Variants in DSG2 observed in about 807,000 individuals in gnomAD.
DSG2 encodes the protein desmoglein 2.
DSG2 carries 45 observed loss-of-function variants against 75.6 expected under a neutral mutation model. That is an observed-to-expected ratio of 0.60 (90% CI 0.47 to 0.76). The LOEUF is 0.76. DSG2 is among the 30% of genes least tolerant of loss of function. The pLI is 0.00. For synonymous variants in DSG2, 429 were observed against 483.9 expected (o/e 0.89, Z 1.49); for missense variants, 1,267 against 1,357.4 (o/e 0.93, Z 1.05).
intron 12 of DSG2, among the ~76,000 whole-genome samples, chr18:31,539,382 T>C (rs2073252425): frequency 6.6e-6 from 1 of 152,180 alleles, no homozygotes; most frequent in African/African-American, 2.4e-5. Context: ...ACAAGGTTTT[T>C]TACAAACCCA....
At chr18:31,510,148 C>A (rs2073059024) in intron 1 of DSG2, among the ~76,000 whole-genome samples, 1 of 152,226 alleles carries the variant, frequency 6.6e-6, no homozygotes, top group Admixed American at 6.5e-5. Flanking sequence ...TAAAGAACCA[C>A]TGGCAAGTGC....
At chr18:31,504,883 C>T (rs2073031171) in intron 1 of DSG2, among the ~76,000 whole-genome samples, 1 of 152,226 alleles carries the variant, frequency 6.6e-6, no homozygotes, top group African/African-American at 2.4e-5. Context: ...ATTATCCCCA[C>T]ACAGGGCATT....
chr18:31,527,152 C>T (rs1437210213), intron 8 of DSG2, among the ~76,000 whole-genome samples: 4 of 152,076 alleles, frequency 2.6e-5, no homozygotes, highest in Non-Finnish European at 4.4e-5. Context: ...TTTTACTATA[C>T]CTTTTCTATG....
Position 31,535,416 on chromosome 18 carries a change from A to G in DSG2, c.1423+4A>G. On this transcript the variant is annotated splice_donor_region_variant and intron_variant, in intron 10 of 14. Coordinates refer to ENST00000261590, the MANE Select transcript of DSG2 (RefSeq NM_001943.5). ...AAGATTGTGGCCATATCAGAAGGTAAGTTATTAAATAGATCTTTTTCTTGA... is the reference window on the plus strand; with the variant it reads ...AAGATTGTGGCCATATCAGAAGGTAGGTTATTAAATAGATCTTTTTCTTGA... 1 of 1,600,094 alleles carries G rather than the reference A, an allele frequency of 6.2e-7. No individual in the cohort carries two copies. Among genetic ancestry groups the G allele is most frequent in the Non-Finnish European group, 8.6e-7 (1 of 1,168,258 alleles).
At chr18:31,517,052 A>C (rs557737900) in intron 1 of DSG2, among the ~76,000 whole-genome samples, 11 of 152,372 alleles carry the variant, frequency 7.2e-5, no homozygotes, top group East Asian at 3.9e-4. Context: ...GATTGAGCCA[A>C]GAGAAGAAGG....
At position 31,547,639 on chromosome 18, in the gene DSG2, T is replaced by G; in HGVS notation, c.*896T>G. 1 of 150,500 alleles carries G rather than the reference T, an allele frequency of 6.6e-6. No individual in the cohort carries two copies. The allele number at this position is 150,500 out of a possible 1,614,324, so 9.3% of individuals were successfully genotyped here. A position where few individuals can be genotyped will look rare whatever the true frequency, so the allele number is the denominator to read the frequency against. ...TTGCAGTGAGCCGAGATCGCACCAT[T>G]GCACTCCAGTCTGGGCAACAGAGTG... On this transcript the variant is annotated 3_prime_UTR_variant, in exon 15 of 15. Transcript: ENST00000261590.
chr18:31,510,296 C>A (rs1193341657), intron 1 of DSG2, among the ~76,000 whole-genome samples: 2 of 152,190 alleles, frequency 1.3e-5, no homozygotes, highest in African/African-American at 2.4e-5. Context: ...ATTTGTATTT[C>A]TCTACATCCA....
intron 1 of DSG2, among the ~76,000 whole-genome samples, chr18:31,504,329 A>G (rs1443005170): frequency 6.6e-6 from 1 of 152,186 alleles, no homozygotes; most frequent in Non-Finnish European, 1.5e-5. Flanking sequence ...AATGTTTGAT[A>G]CCCACTGCCT....
intron 3 of DSG2, among the ~76,000 whole-genome samples, 186 bp downstream of exon 3, chr18:31,520,123 C>G (rs978382614): frequency 6.6e-6 from 1 of 152,228 alleles, no homozygotes; most frequent in African/African-American, 2.4e-5. Flanking sequence ...TTAAGATTCT[C>G]TTTCCCATTC....
chr18:31,533,807 G>C (rs2073211862), intron 9 of DSG2, among the ~76,000 whole-genome samples: 1 of 152,062 alleles, frequency 6.6e-6, no homozygotes, highest in Non-Finnish European at 1.5e-5. Flanking sequence ...ATTGGAAATA[G>C]CACTAAAAAT....
At chr18:31,519,152 C>T (rs950584747) in intron 2 of DSG2, among the ~76,000 whole-genome samples, 5 of 152,078 alleles carry the variant, frequency 3.3e-5, no homozygotes, top group African/African-American at 9.7e-5. Flanking sequence ...TAAGAAAAAA[C>T]GTTTTTGACA....
At chr18:31,511,044 GT>G (rs2073063605) in intron 1 of DSG2, among the ~76,000 whole-genome samples, 1 of 152,162 alleles carries the variant, frequency 6.6e-6, no homozygotes, top group African/African-American at 2.4e-5. Flanking sequence ...AAGGCAGAGA[GT>G]TTCTGCTTGT....
intron 1 of DSG2, among the ~76,000 whole-genome samples, chr18:31,504,510 A>C (rs1174992171): frequency 2.6e-5 from 4 of 152,112 alleles, no homozygotes; most frequent in Non-Finnish European, 4.4e-5. Context: ...CACTTACAGG[A>C]ACCTGCAGTG....
intron 1 of DSG2, among the ~76,000 whole-genome samples, chr18:31,505,822 C>T (rs762191717): frequency 1.4e-4 from 21 of 151,918 alleles, no homozygotes; most frequent in Non-Finnish European, 3.1e-4. Flanking sequence ...CCACCACGCC[C>T]ATCTAATTTT....
At position 31,546,064 on chromosome 18, in the gene DSG2, C is replaced by T. The variant is rs776777832; in HGVS notation, c.2678C>T (p.Ser893Phe). Residue 893 changes from serine to phenylalanine, a missense_variant, in exon 15 of 15, where the codon TCT becomes TTT. Coordinates refer to ENST00000261590, the MANE Select transcript of DSG2 (RefSeq NM_001943.5). ...SSGSSFPVPKSLQEANAEKVT... is the reference protein window; with the variant it reads ...SSGSSFPVPKFLQEANAEKVT... ...GGCAGTAGCTTCCCAGTTCCAAAAT[C>T]TTTGCAAGAAGCCAATGCAGAGAAA... 4 of 1,614,206 alleles carry T rather than the reference C, an allele frequency of 2.5e-6. No homozygotes were observed. Among genetic ancestry groups the T allele is most frequent in the Non-Finnish European group, 3.4e-6 (4 of 1,180,046 alleles).
intron 1 of DSG2, among the ~76,000 whole-genome samples, chr18:31,514,907 G>C (rs1035284180): frequency 6.6e-6 from 1 of 152,126 alleles, no homozygotes; most frequent in African/African-American, 2.4e-5. Flanking sequence ...TTATATCCTA[G>C]TAAAACACAT....
rs1234825465 is a variant in DSG2, at chr18:31,546,637, C to T, written c.3251C>T (p.Pro1084Leu). Residue 1084 changes from proline (P) to leucine (L), a missense_variant, in exon 15 of 15, where the codon CCT (proline) becomes CTT (leucine). Physicochemically the swap from Pro to Leu is moderately conservative, Grantham distance 98. Coordinates refer to ENST00000261590, the MANE Select transcript of DSG2 (RefSeq NM_001943.5). The stretch of plus-strand genomic sequence containing the variant: ...GTGTCTGGAGCTGGAGTCCCTGGCC[C>T]TCTGCCAGATTTTGGTTTAGAGGAA... ...TTVSGAGVPG[P>L]LPDFGLEESG... is the part of the protein sequence containing the mutation. 6.2e-7 allele frequency: 1 copy of T among 1,614,174 alleles called. No individual in the cohort carries two copies. The highest frequency in any genetic ancestry group is 8.5e-7 in the Non-Finnish European group (1 of 1,180,022).
At chr18:31,510,343 GT>G (rs2073059871) in intron 1 of DSG2, among the ~76,000 whole-genome samples, 1 of 152,140 alleles carries the variant, frequency 6.6e-6, no homozygotes, top group Non-Finnish European at 1.5e-5. Context: ...ATCTATTAAA[GT>G]TTAAGGGATC....
intron 10 of DSG2, 114 bp downstream of exon 10, chr18:31,535,526 T>C (rs1287754501): frequency 3.1e-6 from 3 of 958,718 alleles, no homozygotes; most frequent in Non-Finnish European, 4.7e-6. Flanking sequence ...CCGGGAGCAG[T>C]GGCTCATGCC....
Sources: allele counts gnomAD v4.1 joint callset (sites outside exome capture counted in the v4.1 genomes callset), GRCh38; gene constraint gnomAD v4.1.1; transcripts MANE v1.5; gene names NCBI Gene and HGNC (gene_info 2026-07-23, HGNC 2026-07-21).